ZFYVE26: variants seen among roughly 807,000 people sequenced by gnomAD.
ZFYVE26 encodes the protein zinc finger FYVE-type containing 26.
Under a neutral mutation model 276.5 loss-of-function variants are expected in ZFYVE26, and 181 were observed. The ratio of observed to expected loss-of-function variants is 0.65; its 90% confidence interval spans 0.58 to 0.74. ZFYVE26 has a LOEUF of 0.74. Ranked by LOEUF, ZFYVE26 falls within the 30% of genes least tolerant of loss-of-function variation. ZFYVE26 has a pLI of 0.00. For synonymous variants in ZFYVE26, 1,129 were observed against 1,203.1 expected (o/e 0.94, Z 1.27); for missense variants, 2,821 against 3,097.9 (o/e 0.91, Z 2.12).
At chr14:67,798,974 C>A in intron 10 of ZFYVE26, 3 of 1,128,450 alleles carry the variant, frequency 2.7e-6, no homozygotes, top group Non-Finnish European at 2.7e-6. Context: ...GTGGGAGGGG[C>A]GGGGGTGATT....
At chr14:67,752,246 A>G in intron 40 of ZFYVE26, 98 bp downstream of exon 40, 1 of 1,418,876 alleles carries the variant, frequency 7.0e-7, no homozygotes, top group Non-Finnish European at 9.7e-7. Context: ...AGGATCTTGT[A>G]GAGTTTCAGG....
intron 27 of ZFYVE26, among the ~76,000 whole-genome samples, chr14:67,774,374 C>T (rs557442128): frequency 6.5e-4 from 99 of 152,308 alleles, no homozygotes; most frequent in African/African-American, 2.3e-3. Context: ...TGGCACACGC[C>T]TTTAATCCCA....
chr14:67,806,036 A>C (rs1322888448), intron 6 of ZFYVE26, among the ~76,000 whole-genome samples: 7 of 152,194 alleles, frequency 4.6e-5, no homozygotes, highest in African/African-American at 1.7e-4. Flanking sequence ...AAAAACAAAA[A>C]AATAGAAGTG....
chr14:67,765,144 G>C (rs1489089208), intron 32 of ZFYVE26, among the ~76,000 whole-genome samples: 1 of 151,896 alleles, frequency 6.6e-6, no homozygotes, highest in Middle Eastern at 3.2e-3. Context: ...CTTGAAAAAT[G>C]ATGTAGAATC....
chr14:67,813,900 T>C, intron 3 of ZFYVE26, 86 bp downstream of exon 3: 1 of 938,434 alleles, frequency 1.1e-6, no homozygotes, highest in Non-Finnish European at 1.7e-6. Context: ...ATAAAGGAAG[T>C]AACAGACAGA....
chr14:67,738,948 A>G (rs2038383563), intron 13 of ZFYVE26, among the ~76,000 whole-genome samples: 1 of 152,188 alleles, frequency 6.6e-6, no homozygotes, highest in Non-Finnish European at 1.5e-5. Context: ...ACAGAGATCC[A>G]TATTCAATTG....
chr14:67,801,439 C>G (rs942676150), intron 10 of ZFYVE26, among the ~76,000 whole-genome samples: 1 of 152,136 alleles, frequency 6.6e-6, no homozygotes, highest in Non-Finnish European at 1.5e-5. Flanking sequence ...GATGATCACG[C>G]CTACTTAGAT....
intron 27 of ZFYVE26, among the ~76,000 whole-genome samples, chr14:67,772,547 G>C (rs2039239622): frequency 6.6e-6 from 1 of 152,192 alleles, no homozygotes; most frequent in Non-Finnish European, 1.5e-5. Flanking sequence ...CCAGCATGTG[G>C]GAAGCTCCGG....
At chr14:67,780,393 T>C (rs763806343) in intron 22 of ZFYVE26, 48 bp from the exon 23 acceptor site, 1 of 1,528,904 alleles carries the variant, frequency 6.5e-7, no homozygotes. Flanking sequence ...AGCTTCTCCC[T>C]CCATGAACAA....
At chr14:67,753,866 A>C (rs999694817) in intron 38 of ZFYVE26, 100 bp from the exon 39 acceptor site, 1 of 1,514,984 alleles carries the variant, frequency 6.6e-7, no homozygotes, top group Non-Finnish European at 9.1e-7. Flanking sequence ...TTCAACAAAT[A>C]TTTGTTGAGA....
In ZFYVE26 at chr14:67,807,478, C is replaced by T. The variant is rs553573718; in HGVS notation, c.806G>A (p.Arg269Gln). Residue 269 changes from arginine to glutamine, a missense_variant, in exon 5 of 42, where the codon CGG (arginine) becomes CAG (glutamine). By Grantham distance (43) the Arg-to-Gln change is conservative. Transcript: ENST00000347230. ...LLSCLLHKAS[R>Q]GLLSLYGHTY... is the part of the protein sequence containing the mutation. ...ATGGCCATACAGGGACAGCAGGCCC[C>T]GGCTGGCCTTGTGCAGCAGGCAGCT... is the stretch of plus-strand genomic sequence containing the variant. The T allele has an allele frequency of 9.9e-6, 16 of 1,614,116 alleles. No individual in the cohort carries two copies. The East Asian group carries it at 1.1e-4, about 11-fold the overall frequency.
intron 39 of ZFYVE26, among the ~76,000 whole-genome samples, chr14:67,753,418 C>A (rs2038700409): frequency 6.6e-6 from 1 of 152,236 alleles, no homozygotes; most frequent in Non-Finnish European, 1.5e-5. Context: ...CCTGTGAGAA[C>A]CAGCAGTGTT....
At chr14:67,745,459 C>G (rs1179553755), downstream of ZFYVE26, among the ~76,000 whole-genome samples, 3 of 151,838 alleles carry the variant, frequency 2.0e-5, no homozygotes, top group Non-Finnish European at 2.9e-5. Context: ...GAAATGATCC[C>G]TCAAAGTATA....
At chr14:67,805,169 G>T (rs777372065) in intron 8 of ZFYVE26, 48 bp downstream of exon 8, 4 of 1,574,436 alleles carry the variant, frequency 2.5e-6, no homozygotes, top group South Asian at 2.2e-5. Context: ...GGAGCACAGG[G>T]TCAGCTGTGC....
chr14:67,780,409 T>C (rs1043701656), intron 22 of ZFYVE26, 64 bp from the exon 23 acceptor site: 1 of 1,441,618 alleles, frequency 6.9e-7, no homozygotes, highest in Non-Finnish European at 9.6e-7. Context: ...AACAAGTCAC[T>C]GGGCATGTCC....
chr14:67,749,476 C>G lies in ZFYVE26; in HGVS notation c.7417-837G>C, dbSNP rs901880774. On this transcript the variant is annotated intron_variant, in intron 41 of 41. Coordinates refer to ENST00000347230, the MANE Select transcript of ZFYVE26 (RefSeq NM_015346.4). ...TCCTTTCTGGCCCTGGTCTCCCCAG[C>G]ACCCCCTGGTTAAACAGTGCTCTAG... Among the ~76,000 whole-genome samples the G allele has an allele frequency of 1.8e-4, 28 of 152,134 alleles. 2 individuals carry two copies. Among genetic ancestry groups the G allele is most frequent in the Admixed American group, 1.8e-3 (27 of 15,288 alleles).
chr14:67,796,195 T>A (rs1384662085), intron 12 of ZFYVE26: 1 of 150,116 alleles, frequency 6.7e-6, no homozygotes, highest in African/African-American at 2.5e-5. Context: ...ATCTATTATA[T>A]ATTCTCAAAA....
chr14:67,778,373 T>G, intron 23 of ZFYVE26, 125 bp from the exon 24 acceptor site: 1 of 1,284,772 alleles, frequency 7.8e-7, no homozygotes, highest in Non-Finnish European at 1.1e-6. Context: ...ATGATGAAAA[T>G]GATTGAAGCA....
intron 14 of ZFYVE26, chr14:67,729,144 T>C: frequency 6.3e-7 from 1 of 1,592,334 alleles, no homozygotes; most frequent in Non-Finnish European, 8.6e-7. Context: ...GCTGTTTTCC[T>C]GGGCTCAGAG....
Sources: gnomAD v4.1 joint callset for allele counts (sites outside exome capture counted in the v4.1 genomes callset) on GRCh38, gnomAD v4.1.1 for gene constraint, MANE v1.5 for transcripts, NCBI Gene and HGNC (gene_info 2026-07-23, HGNC 2026-07-21) for gene names.